The following CD226 variants were observed in gnomAD, a reference collection of about 807,000 sequenced individuals.
CD226 encodes CD226 antigen.
A neutral mutation model predicts 34.9 loss-of-function variants in CD226; 24 were observed. The ratio of observed to expected loss-of-function variants is 0.69; its 90% CI spans 0.50 to 0.97. The LOEUF is 0.97. Ranked by LOEUF, CD226 falls within the 50% of genes least tolerant of loss-of-function variation. The pLI is 0.00. For missense variants in CD226, 397 were observed against 412.7 expected (o/e 0.96, Z 0.33); for synonymous variants, 148 against 147.4 (o/e 1.00, Z -0.03).
chr18:69,877,733 A>G (rs987872323), intron 3 of CD226, among the ~76,000 whole-genome samples: 2 of 152,264 alleles, frequency 1.3e-5, no homozygotes, highest in African/African-American at 4.8e-5. Context: ...ATGAAAACCT[A>G]TAGATCTGCA....
At position 69,857,181 on chromosome 18, in the gene CD226, C is replaced by G. The variant is rs918241586; in HGVS notation, c.*7133G>C. 1 of 152,206 alleles carries G rather than the reference C, an allele frequency of 6.6e-6. No individual in the cohort carries two copies. 9.4% of individuals were successfully genotyped at this position (152,206 alleles called of 1,614,324 possible). A position where few individuals can be genotyped will look rare whatever the true frequency, so the allele number is the denominator to read the frequency against. The stretch of plus-strand genomic sequence containing the variant: ...GAGACTCCGTCTCAAAAAAAGATAG[C>G]TATTCATTAGACATTGAAAGAATTA... On this transcript the variant is annotated 3_prime_UTR_variant, in exon 6 of 6. Coordinates refer to ENST00000582621, the MANE Select transcript of CD226 (RefSeq NM_001303618.2).
At chr18:69,892,196 A>T (rs12969613) in intron 3 of CD226, among the ~76,000 whole-genome samples, 64,247 of 152,154 alleles carry the variant, frequency 0.42, 16,362 homozygotes, top group East Asian at 0.65. Context: ...TTTCAATATT[A>T]GCCTCCTCCA....
intron 3 of CD226, among the ~76,000 whole-genome samples, chr18:69,892,790 T>C (rs751791121): frequency 6.6e-6 from 1 of 152,036 alleles, no homozygotes; most frequent in Non-Finnish European, 1.5e-5. Flanking sequence ...TGTGTGTGTG[T>C]GTGTATGAAT....
chr18:69,954,923 AT>A (rs1232782733), intron 1 of CD226, among the ~76,000 whole-genome samples: 1 of 152,072 alleles, frequency 6.6e-6, no homozygotes, highest in Non-Finnish European at 1.5e-5. Context: ...CATTTTTTGC[AT>A]GATTTATGAA....
At chr18:69,896,087 T>C in intron 2 of CD226, 42 bp from the exon 3 acceptor site, 1 of 1,567,678 alleles carries the variant, frequency 6.4e-7, no homozygotes, top group Non-Finnish European at 8.6e-7. Context: ...GTTGTCAAAT[T>C]TTGGGACACC....
At position 69,858,038 on chromosome 18, in the gene CD226, G is replaced by A. The variant is rs530618719; in HGVS notation, c.*6276C>T. 6.6e-6 allele frequency: 1 copy of A among 152,244 alleles called. No individual in the cohort carries two copies. Among genetic ancestry groups the A allele is most frequent in the South Asian group, 2.1e-4 (1 of 4,830 alleles). 9.4% of individuals were successfully genotyped at this position (152,244 alleles called of 1,614,324 possible). On this transcript the variant is annotated 3_prime_UTR_variant, in exon 6 of 6. Transcript: ENST00000582621. The stretch of plus-strand genomic sequence containing the variant: ...ATAAAGTTAAAGTCTAGAAAAATAT[G>A]CAATGTATACATGCGGATGATTAGT...
intron 2 of CD226, among the ~76,000 whole-genome samples, chr18:69,930,985 A>G (rs1282505906): frequency 2.0e-5 from 3 of 152,198 alleles, no homozygotes; most frequent in Non-Finnish European, 4.4e-5. Context: ...AACCAACCCA[A>G]ATGTCCAACA....
chr18:69,880,714 C>T (rs866751618), intron 3 of CD226, among the ~76,000 whole-genome samples: 2 of 149,692 alleles, frequency 1.3e-5, no homozygotes, highest in African/African-American at 2.5e-5. Flanking sequence ...TGCAGTGGCA[C>T]GATCTCGGCT....
chr18:69,955,128 A>T (rs2055885719), intron 1 of CD226, among the ~76,000 whole-genome samples: 2 of 149,090 alleles, frequency 1.3e-5, no homozygotes, highest in African/African-American at 4.9e-5. Context: ...GTGGGTGGGG[A>T]CGGGGAACAC....
upstream of CD226, among the ~76,000 whole-genome samples, chr18:69,950,261 C>G (rs113205391): frequency 0.011 from 1,587 of 150,972 alleles, 10 homozygotes; most frequent in African/African-American, 0.017. Context: ...CACACTCTGT[C>G]TCTCTCTCTC....
At chr18:69,877,053 G>A (rs143928103) in intron 3 of CD226, among the ~76,000 whole-genome samples, 11,095 of 151,786 alleles carry the variant, frequency 0.073, 477 homozygotes, top group Middle Eastern at 0.11. Context: ...TAGTAGAGAC[G>A]GGGTTTCACC....
chr18:69,878,717 A>T (rs1984029862), intron 3 of CD226, among the ~76,000 whole-genome samples: 1 of 152,316 alleles, frequency 6.6e-6, no homozygotes, highest in Admixed American at 6.5e-5. Context: ...TCTCAAAAAG[A>T]TGAAAGAAAA....
At chr18:69,891,017 C>A (rs376392930) in intron 3 of CD226, among the ~76,000 whole-genome samples, 556 of 110,334 alleles carry the variant, frequency 5.0e-3, no homozygotes, top group Admixed American at 5.2e-3. Flanking sequence ...AAAGACACCA[C>A]AAAAAAAAAA....
chr18:69,932,415 C>A (rs2055600222), intron 2 of CD226, among the ~76,000 whole-genome samples: 1 of 152,204 alleles, frequency 6.6e-6, no homozygotes, highest in Non-Finnish European at 1.5e-5. Context: ...TTGCTGTGAA[C>A]ATGCAGTTCC....
At chr18:69,884,923 T>C (rs1166700263) in intron 3 of CD226, among the ~76,000 whole-genome samples, 1 of 152,256 alleles carries the variant, frequency 6.6e-6, no homozygotes, top group Non-Finnish European at 1.5e-5. Flanking sequence ...GGAGGTTGCC[T>C]GTGACATGCA....
upstream of CD226, among the ~76,000 whole-genome samples, chr18:69,948,357 A>G (rs1304852829): frequency 6.6e-6 from 1 of 152,222 alleles, no homozygotes; most frequent in Non-Finnish European, 1.5e-5. Flanking sequence ...CCCTACAAAA[A>G]GAGGAATTGT....
At chr18:69,931,939 CAAAATTCAGG>C (rs1400307694) in intron 2 of CD226, among the ~76,000 whole-genome samples, 64 of 152,248 alleles carry the variant, frequency 4.2e-4, no homozygotes, top group African/African-American at 1.5e-3. Context: ...GCTAGAAACC[CAAAATTCAGG>C]TGCCAGCAGG....
chr18:69,864,296 C>T lies in CD226; in HGVS notation c.*18G>A, dbSNP rs766780605. On this transcript the variant is annotated 3_prime_UTR_variant, in exon 6 of 6. Coordinates refer to ENST00000582621, the MANE Select transcript of CD226 (RefSeq NM_001303618.2). ...GTACATAAGAGTCATTACTAATGCACTCATGTCAAGAATAAGCTTAAACTC... is the reference window on the plus strand; with the variant it reads ...GTACATAAGAGTCATTACTAATGCATTCATGTCAAGAATAAGCTTAAACTC... The T allele has an allele frequency of 2.4e-5, 38 of 1,613,172 alleles. No homozygotes were observed. The highest frequency in any genetic ancestry group is 9.3e-5 in the African/African-American group (7 of 74,882).
chr18:69,956,281 G>A (rs2055896645), intron 1 of CD226, among the ~76,000 whole-genome samples: 1 of 152,192 alleles, frequency 6.6e-6, no homozygotes, highest in Non-Finnish European at 1.5e-5. Flanking sequence ...GACACCACAC[G>A]GCCCACAAAG....
Sources: allele counts gnomAD v4.1 joint callset (sites outside exome capture counted in the v4.1 genomes callset), GRCh38; gene constraint gnomAD v4.1.1; transcripts MANE v1.5; gene names NCBI Gene and HGNC (gene_info 2026-07-23, HGNC 2026-07-21).